The following CSNK1A1 variants were observed in gnomAD, a reference collection of about 807,000 sequenced individuals.
CSNK1A1 encodes the protein casein kinase I isoform alpha.
In CSNK1A1, 7 loss-of-function variants were observed where a neutral mutation model predicts 46.1. The ratio of observed to expected loss-of-function variants is 0.15; its 90% confidence interval spans 0.09 to 0.29. The LOEUF is 0.29. Ranked by LOEUF, CSNK1A1 falls within the 10% of genes least tolerant of loss-of-function variation. CSNK1A1 has a pLI of 1.00. For synonymous variants in CSNK1A1, 137 were observed against 141.5 expected (o/e 0.97, Z 0.23); for missense variants, 96 against 417.1 (o/e 0.23, Z 6.71).
intron 2 of CSNK1A1, among the ~76,000 whole-genome samples, chr5:149,532,693 C>T (rs1268133490): frequency 6.6e-6 from 1 of 152,092 alleles, no homozygotes; most frequent in African/African-American, 2.4e-5. Context: ...CATCTACCCC[C>T]CACAAAAATC....
chr5:149,506,384 G>A (rs945452245), intron 8 of CSNK1A1, among the ~76,000 whole-genome samples: 7 of 151,870 alleles, frequency 4.6e-5, no homozygotes, highest in African/African-American at 1.5e-4. Context: ...TTAAAGGTGA[G>A]CACCACCTCA....
At chr5:149,535,506 T>G (rs779290462) in intron 2 of CSNK1A1, among the ~76,000 whole-genome samples, 1 of 152,198 alleles carries the variant, frequency 6.6e-6, no homozygotes, top group Admixed American at 6.5e-5. Flanking sequence ...AAGGCTCAAG[T>G]GACTTACCTC....
At position 149,505,187 on chromosome 5, in the gene CSNK1A1, T is replaced by A. The variant is rs1396853328; in HGVS notation, c.1006+260A>T. 5.4e-6 allele frequency: 6 copies of A among 1,112,540 alleles called. No individual in the cohort carries two copies. The South Asian group carries it at 2.1e-4, about 38-fold the overall frequency. 68.9% of individuals were successfully genotyped at this position (1,112,540 alleles called of 1,614,324 possible). A position where few individuals can be genotyped will look rare whatever the true frequency, so the allele number is the denominator to read the frequency against. On this transcript the variant is annotated intron_variant, in intron 9 of 9. Transcript: ENST00000377843. ...AAAAAAGATGCAGTTGTTAAAAAAA[T>A]GACCCAAAATCCCAAGAGAAATGAT... is the stretch of plus-strand genomic sequence containing the variant.
At chr5:149,498,477 T>A (rs915228916) in intron 9 of CSNK1A1, 1 of 985,158 alleles carries the variant, frequency 1.0e-6, no homozygotes, top group Non-Finnish European at 1.2e-6. Context: ...GTGACCAAAT[T>A]TCAATTTTAA....
At chr5:149,548,813 A>G (rs564410864) in intron 2 of CSNK1A1, among the ~76,000 whole-genome samples, 1 of 152,222 alleles carries the variant, frequency 6.6e-6, no homozygotes, top group African/African-American at 2.4e-5. Context: ...CGTGCCATTC[A>G]TTGCACTCCA....
intron 2 of CSNK1A1, among the ~76,000 whole-genome samples, chr5:149,528,377 A>G (rs368630529): frequency 5.3e-5 from 8 of 152,350 alleles, no homozygotes; most frequent in African/African-American, 1.9e-4. Flanking sequence ...CTTAAACCTA[A>G]GAGACAGGAG....
intron 5 of CSNK1A1, 93 bp from the exon 6 acceptor site, chr5:149,511,965 TGAGGA>T: frequency 7.4e-6 from 7 of 939,662 alleles, no homozygotes; most frequent in Non-Finnish European, 1.1e-5. Flanking sequence ...TGTTCCCAAA[TGAGGA>T]GGGAACACTA....
intron 2 of CSNK1A1, chr5:149,545,755 T>C: frequency 1.6e-6 from 1 of 628,776 alleles, no homozygotes; most frequent in South Asian, 1.6e-5. Context: ...TTCTGTGCCA[T>C]TTTCAGGACT....
chr5:149,529,701 G>C (rs1300516501), intron 2 of CSNK1A1: 3 of 456,068 alleles, frequency 6.6e-6, no homozygotes, highest in African/African-American at 6.0e-5. Context: ...TTCAGTGCAA[G>C]GCTTATGAGC....
At chr5:149,506,638 C>A (rs762997420) in intron 8 of CSNK1A1, among the ~76,000 whole-genome samples, 1 of 152,136 alleles carries the variant, frequency 6.6e-6, no homozygotes, top group Non-Finnish European at 1.5e-5. Flanking sequence ...GCCTAAGGAA[C>A]CCTACCCTAG....
chr5:149,538,334 A>T (rs1490569018), intron 2 of CSNK1A1, among the ~76,000 whole-genome samples: 1 of 152,044 alleles, frequency 6.6e-6, no homozygotes, highest in Non-Finnish European at 1.5e-5. Flanking sequence ...CCAGTTTCTT[A>T]AACTGTGACT....
chr5:149,503,865 AT>A (rs1360371019), intron 9 of CSNK1A1: 1 of 985,338 alleles, frequency 1.0e-6, no homozygotes, highest in Non-Finnish European at 1.2e-6. Flanking sequence ...AATTTTAGTT[AT>A]AGAAACTGCA....
chr5:149,507,718 C>CCTCCTTGGT (rs1761082686), intron 7 of CSNK1A1, among the ~76,000 whole-genome samples: 1 of 152,106 alleles, frequency 6.6e-6, no homozygotes, highest in South Asian at 2.1e-4. Context: ...CCCCCCTTGG[C>CCTCCTTGGT]CTCCTTGGTC....
At chr5:149,521,100 A>C (rs1178671284) in intron 3 of CSNK1A1, among the ~76,000 whole-genome samples, 1 of 152,098 alleles carries the variant, frequency 6.6e-6, no homozygotes, top group African/African-American at 2.4e-5. Flanking sequence ...CCTACTATAA[A>C]TAATGCCATT....
intron 2 of CSNK1A1, among the ~76,000 whole-genome samples, chr5:149,530,750 G>A (rs1287567920): frequency 1.3e-5 from 2 of 151,696 alleles, no homozygotes; most frequent in East Asian, 3.9e-4. Flanking sequence ...GGCGGATCAT[G>A]AGGCCAGGAG....
chr5:149,545,226 A>G (rs1161952057), intron 2 of CSNK1A1, among the ~76,000 whole-genome samples: 1 of 152,050 alleles, frequency 6.6e-6, no homozygotes, highest in Non-Finnish European at 1.5e-5. Flanking sequence ...GAGCTCTCAC[A>G]TATTAATTGA....
chr5:149,537,772 C>T (rs528538096), intron 2 of CSNK1A1, among the ~76,000 whole-genome samples: 4 of 76,168 alleles, frequency 5.3e-5, no homozygotes, highest in Non-Finnish European at 1.0e-4. Flanking sequence ...ATAGTCTTAA[C>T]GGGGTCCTAC....
At chr5:149,521,772 T>G (rs940153883) in intron 3 of CSNK1A1, among the ~76,000 whole-genome samples, 2 of 151,982 alleles carry the variant, frequency 1.3e-5, no homozygotes, top group Admixed American at 6.6e-5. Context: ...ACCCGCCACA[T>G]GCCTGGGTAC....
At position 149,517,255 on chromosome 5, in the gene CSNK1A1, A is replaced by G. The variant is rs192557818; in HGVS notation, c.456+3035T>C. On this transcript the variant is annotated intron_variant, in intron 4 of 9. Coordinates refer to ENST00000377843, the MANE Select transcript of CSNK1A1 (RefSeq NM_001892.6). The surrounding 1 kb of genome is among the most constrained non-coding windows in gnomAD (Gnocchi z 4.4). ...TTCCAGAGCCTATAATGCTCTGTAA[A>G]TATCCATTTGCTAGAAGTTGAGAAT... Among the ~76,000 whole-genome samples the G allele has an allele frequency of 5.1e-4, 78 of 152,316 alleles. No homozygotes were observed. The highest frequency in any genetic ancestry group is 1.8e-3 in the Admixed American group (28 of 15,300).
Sources: allele counts gnomAD v4.1 joint callset (sites outside exome capture counted in the v4.1 genomes callset), GRCh38; gene constraint gnomAD v4.1.1; non-coding constraint Gnocchi (gnomAD v3.1); transcripts MANE v1.5; gene names NCBI Gene and HGNC (gene_info 2026-07-23, HGNC 2026-07-21).